The following CHD4 variants were observed in gnomAD, a reference collection of about 807,000 sequenced individuals.
CHD4 encodes the protein ATP-dependent chromatin remodeler CHD4.
Under a neutral mutation model 235.5 loss-of-function variants are expected in CHD4, and 35 were observed. The observed-to-expected ratio is 0.15, with a 90% confidence interval of 0.11 to 0.20. The LOEUF (loss-of-function observed/expected upper bound fraction) is 0.20. Among genes scored for constraint, CHD4 ranks in the 10% least tolerant of loss-of-function variants. The pLI is 1.00. For missense variants in CHD4, 1,329 were observed against 2,432.3 expected, an observed-to-expected ratio of 0.55 and a Z score of 9.54; for synonymous variants, 900 against 850.2, an observed-to-expected ratio of 1.06 and a Z score of -1.02.
chr12:6,574,755 C>G (rs1419536916), intron 37 of CHD4, among the ~76,000 whole-genome samples: 1 of 152,184 alleles, frequency 6.6e-6, no homozygotes, highest in Non-Finnish European at 1.5e-5. Context: ...AAACTGCTCC[C>G]TCTCTTCTTA....
Position 6,578,497 on chromosome 12 carries a change from T to C in CHD4, c.5031A>G (p.Gly1677=). The C allele has an allele frequency of 6.2e-7, 1 of 1,613,560 alleles. No homozygotes were observed. Among genetic ancestry groups the C allele is most frequent in the South Asian group, 1.1e-5 (1 of 90,980 alleles). Residue 1677 remains glycine, a synonymous_variant, in exon 35 of 40, where the codon GGA becomes GGG. Transcript: ENST00000544040. ...EEKKEVMLQN[G]ETPKDLNDEK... is the part of the protein sequence containing the mutation. Reference sequence around the variant, plus strand: ...CATCATTCAGGTCCTTGGGGGTCTCTCCATTCTGAAGCATCACCTCTTTTT... The same window carrying C: ...CATCATTCAGGTCCTTGGGGGTCTCCCCATTCTGAAGCATCACCTCTTTTT...
Position 6,588,313 on chromosome 12 carries a change from G to A in CHD4, c.3450C>T (p.Pro1150=). Residue 1150 remains proline (P), a synonymous_variant, in exon 23 of 40, where the codon CCC becomes CCT. Coordinates refer to ENST00000544040, the MANE Select transcript of CHD4 (RefSeq NM_001273.5). ...CTCTGCTCACCTGAATGTCATTATG[G>A]GGGTTCCAGTCAGAGTCATAGATAA... ...TVIIYDSDWN[P]HNDIQAFSRA... The A allele has an allele frequency of 1.2e-6, 2 of 1,614,072 alleles. No individual in the cohort carries two copies. Among genetic ancestry groups the A allele is most frequent in the Non-Finnish European group, 1.7e-6 (2 of 1,179,996 alleles).
At chr12:6,603,440 G>A (rs891241713) in intron 2 of CHD4, among the ~76,000 whole-genome samples, 3 of 151,910 alleles carry the variant, frequency 2.0e-5, no homozygotes, top group African/African-American at 7.3e-5. Flanking sequence ...AGAAGGGAGT[G>A]CCTCACCCAC....
Position 6,593,673 on chromosome 12 carries a change from C to G in CHD4, c.2314-57G>C, listed in dbSNP as rs1016328163. ...GGGCCCCAGCACACTGCAACCCCAG[C>G]GAACACCCACCACCCTGCTGCCCCC... On this transcript the variant is annotated intron_variant, in intron 15 of 39. Coordinates refer to ENST00000544040, the MANE Select transcript of CHD4 (RefSeq NM_001273.5). This position sits in a 1 kb window ranked among gnomAD's most constrained non-coding sequence, Gnocchi z 4.9. 24 of 1,498,730 alleles carry G rather than the reference C, an allele frequency of 1.6e-5. No homozygotes were observed. The highest frequency in any genetic ancestry group is 2.0e-4 in the Middle Eastern group (1 of 5,044). The allele number at this position is 1,498,730 out of a possible 1,614,324, so 92.8% of individuals were successfully genotyped here.
chr12:6,586,221 AC>A (rs1565607979), intron 25 of CHD4, among the ~76,000 whole-genome samples: 1 of 151,796 alleles, frequency 6.6e-6, no homozygotes, highest in Non-Finnish European at 1.5e-5. Context: ...ACACAGTGAA[AC>A]CCCATCTCTA....
intron 7 of CHD4, 73 bp from the exon 8 acceptor site, chr12:6,600,742 C>T: frequency 6.3e-7 from 1 of 1,575,948 alleles, no homozygotes. Context: ...GAGGGGAGTA[C>T]TCTCTCACTG....
intron 12 of CHD4, among the ~76,000 whole-genome samples, chr12:6,596,629 G>A (rs752148706): frequency 2.1e-4 from 32 of 151,960 alleles, no homozygotes; most frequent in Non-Finnish European, 3.5e-4. Flanking sequence ...GAGAAACCCC[G>A]TCTCTACTAA....
rs1948009867 is a variant in CHD4 at position 6,573,230 on chromosome 12, G to T, written c.5401C>A (p.Arg1801=). The T allele has an allele frequency of 6.3e-7, 1 of 1,580,930 alleles. No individual in the cohort carries two copies. Among genetic ancestry groups the T allele is most frequent in the Non-Finnish European group, 8.6e-7 (1 of 1,168,680 alleles). The change falls in exon 38 of 40, where the codon CGG becomes AGG. Residue 1801 remains arginine, a synonymous_variant. Transcript: ENST00000544040. ...QALVIEEQLR[R]AAYLNMSEDP... ...TCTGACATGTTCAAGTAAGCAGCCC[G>T]GCGCAGCTGTTCCTCAATCACCAGA...
chr12:6,576,342 C>T (rs551364970), intron 37 of CHD4, among the ~76,000 whole-genome samples: 11 of 152,082 alleles, frequency 7.2e-5, no homozygotes, highest in Non-Finnish European at 1.6e-4. Flanking sequence ...GGCAACACAT[C>T]AAGACACTGT....
Position 6,598,163 on chromosome 12 carries a change from T to C in CHD4, c.1686+59A>G, listed in dbSNP as rs1408510030. The C allele has an allele frequency of 6.2e-6, 10 of 1,610,242 alleles. No individual in the cohort carries two copies. The Admixed American group carries it at 1.3e-4, about 22-fold the overall frequency. On this transcript the variant is annotated intron_variant, in intron 11 of 39. Transcript: ENST00000544040. ...TGTTCATTCCTTCTATCCACAAGGCTCTTTTGTCACTATCCTCTTCATCGT... is the reference window on the plus strand; with the variant it reads ...TGTTCATTCCTTCTATCCACAAGGCCCTTTTGTCACTATCCTCTTCATCGT...
Position 6,583,551 on chromosome 12 carries a change from T to G in CHD4, c.3880-173A>C, listed in dbSNP as rs116999178. 851 of 565,390 alleles carry G rather than the reference T, an allele frequency of 1.5e-3. 6 individuals carry two copies. The East Asian group carries it at 0.023, about 15-fold the overall frequency. The allele number at this position is 565,390 out of a possible 1,614,324, so 35.0% of individuals were successfully genotyped here. A position where few individuals can be genotyped will look rare whatever the true frequency, so the allele number is the denominator to read the frequency against. The stretch of plus-strand genomic sequence containing the variant: ...AGAAATTTGATTGAGAGTACACAGC[T>G]CCTCATAATTACATATAGATTAGCA... On this transcript the variant is annotated intron_variant, in intron 25 of 39. Transcript: ENST00000544040.
chr12:6,579,309 G>C (rs1034942873), intron 33 of CHD4: 1 of 264,746 alleles, frequency 3.8e-6, no homozygotes, highest in African/African-American at 2.2e-5. Context: ...AATTAGCCAG[G>C]CGTGGTGGCT....
At chr12:6,604,944 G>A (rs1948664446) in intron 2 of CHD4, among the ~76,000 whole-genome samples, 1 of 152,038 alleles carries the variant, frequency 6.6e-6, no homozygotes, top group African/African-American at 2.4e-5. Context: ...AGAAGGACAG[G>A]GTCCCCTTAC....
At chr12:6,584,229 GGTACATATATGTGAGT>G (rs1489800555) in intron 25 of CHD4, 2 of 151,826 alleles carry the variant, frequency 1.3e-5, no homozygotes, top group Admixed American at 6.6e-5. Flanking sequence ...AAAGTCTTTG[GGTACATATATGTGAGT>G]GTACATATAT....
chr12:6,570,428 G>T lies in CHD4; in HGVS notation c.*248C>A. 1 of 560,156 alleles carries T rather than the reference G, an allele frequency of 1.8e-6. No individual in the cohort carries two copies. The highest frequency in any genetic ancestry group is 3.2e-6 in the Non-Finnish European group (1 of 314,866). The allele number at this position is 560,156 out of a possible 1,614,324, so 34.7% of individuals were successfully genotyped here. A position where few individuals can be genotyped will look rare whatever the true frequency, so the allele number is the denominator to read the frequency against. ...GGCGTTACAGTGGGGAGAAGCCAGG[G>T]TCCAGAAGGCCAGCCCGCCAGCTCC... On this transcript the variant is annotated 3_prime_UTR_variant, in exon 40 of 40. Transcript: ENST00000544040.
At chr12:6,572,343 T>C (rs1387475827) in intron 38 of CHD4, among the ~76,000 whole-genome samples, 1 of 148,756 alleles carries the variant, frequency 6.7e-6, no homozygotes, top group Non-Finnish European at 1.5e-5. Context: ...GGAGAATTGC[T>C]TGAACCCAGG....
At position 6,592,671 on chromosome 12, in the gene CHD4, C is replaced by T. The variant is rs757071483; in HGVS notation, c.2774+25G>A. 5.6e-6 allele frequency: 9 copies of T among 1,604,266 alleles called. No individual in the cohort carries two copies. In the Admixed American group the frequency reaches 6.8e-5, roughly 12 times the overall value. ...AAGAATGAGAGGCACAATTATGAGCCGATTACAGATAAACACATACTTACT... is the reference window on the plus strand; with the variant it reads ...AAGAATGAGAGGCACAATTATGAGCTGATTACAGATAAACACATACTTACT... On this transcript the variant is annotated intron_variant, in intron 18 of 39. Coordinates refer to ENST00000544040, the MANE Select transcript of CHD4 (RefSeq NM_001273.5).
intron 25 of CHD4, among the ~76,000 whole-genome samples, chr12:6,585,126 G>C (rs554171478): frequency 6.6e-6 from 1 of 152,262 alleles, no homozygotes; most frequent in African/African-American, 2.4e-5. Context: ...GTGGTTTACA[G>C]AGGACAAGAA....
At chr12:6,582,986 A>C in intron 27 of CHD4, 41 bp downstream of exon 27, 1 of 1,596,024 alleles carries the variant, frequency 6.3e-7, no homozygotes. Flanking sequence ...TATTAAACAA[A>C]GCAACATTTA....
Sources: gnomAD v4.1 joint callset for allele counts (sites outside exome capture counted in the v4.1 genomes callset) on GRCh38, gnomAD v4.1.1 for gene constraint, Gnocchi (gnomAD v3.1) non-coding constraint, MANE v1.5 for transcripts, NCBI Gene and HGNC (gene_info 2026-07-23, HGNC 2026-07-21) for gene names.